Variants in MAST2 observed in about 807,000 individuals in gnomAD.
MAST2 encodes the protein microtubule-associated serine/threonine-protein kinase 2.
Under a neutral mutation model 147.4 loss-of-function variants are expected in MAST2, and 70 were observed. The ratio of observed to expected loss-of-function variants is 0.47; its 90% CI spans 0.39 to 0.58. MAST2 has a LOEUF of 0.58. MAST2 is among the 20% of genes least tolerant of loss of function. The probability of loss-of-function intolerance (pLI) is 0.00; values close to 1 mark genes in which losing one functional copy is unlikely to be tolerated. For synonymous variants in MAST2, 869 were observed against 896.8 expected (o/e 0.97, Z 0.55); for missense variants, 2,080 against 2,302.3 (o/e 0.90, Z 1.98).
At chr1:45,838,369 A>T (rs931352448) in intron 3 of MAST2, among the ~76,000 whole-genome samples, 5 of 150,882 alleles carry the variant, frequency 3.3e-5, no homozygotes, top group Admixed American at 6.6e-5. Flanking sequence ...ACAGGCATGC[A>T]CCACCATGCC....
intron 1 of MAST2, among the ~76,000 whole-genome samples, chr1:45,819,945 A>G (rs1454795513): frequency 6.6e-6 from 1 of 152,322 alleles, no homozygotes; most frequent in Non-Finnish European, 1.5e-5. Flanking sequence ...TTGAAATGAT[A>G]CTAGAAAGCT....
At chr1:45,963,459 T>C (rs1032501089) in intron 5 of MAST2, among the ~76,000 whole-genome samples, 3 of 152,256 alleles carry the variant, frequency 2.0e-5, no homozygotes, top group African/African-American at 7.2e-5. Flanking sequence ...TTTATAGTTT[T>C]CCTTGAAGAG....
rs532663175 is a variant in MAST2, at chr1:46,023,649, T to G, written c.1572-123T>G. On this transcript the variant is annotated intron_variant, in intron 14 of 28. Transcript: ENST00000361297. This position sits in a 1 kb window ranked among gnomAD's most constrained non-coding sequence, Gnocchi z 4.9. ...GGGTCCCAGACCCTTCTCACTGATA[T>G]GCATGCCCTTGCCCCCTTGTTCTGT... The G allele has an allele frequency of 5.9e-6, 5 of 842,688 alleles. No homozygotes were observed. The highest frequency in any genetic ancestry group is 2.4e-5 in the Admixed American group (1 of 42,384). 52.2% of individuals were successfully genotyped at this position (842,688 alleles called of 1,614,324 possible).
intron 1 of MAST2, among the ~76,000 whole-genome samples, chr1:45,821,314 C>A (rs1292501563): frequency 4.6e-5 from 7 of 152,144 alleles, no homozygotes; most frequent in African/African-American, 1.4e-4. Context: ...TCGTCTGATT[C>A]AGGATCTCCT....
chr1:46,007,955 C>T (rs1321182062), intron 8 of MAST2, among the ~76,000 whole-genome samples: 1 of 152,072 alleles, frequency 6.6e-6, no homozygotes, highest in Non-Finnish European at 1.5e-5. Context: ...CACACCCAAC[C>T]CTATTGACCA....
At chr1:45,957,828 T>G (rs1659858868) in intron 4 of MAST2, among the ~76,000 whole-genome samples, 1 of 152,170 alleles carries the variant, frequency 6.6e-6, no homozygotes, top group African/African-American at 2.4e-5. Flanking sequence ...CCAGCATGAT[T>G]CTGGGTTTTT....
intron 5 of MAST2, among the ~76,000 whole-genome samples, chr1:45,963,327 G>A (rs1442159755): frequency 1.3e-5 from 2 of 152,276 alleles, no homozygotes; most frequent in East Asian, 3.9e-4. Context: ...TGATGGGGGT[G>A]GCATTGAATC....
chr1:46,017,959 C>A (rs1646028396), intron 10 of MAST2, among the ~76,000 whole-genome samples: 1 of 152,246 alleles, frequency 6.6e-6, no homozygotes, highest in Non-Finnish European at 1.5e-5. Context: ...CTTCCAGTTT[C>A]CCTTCCCACC....
chr1:45,822,356 C>T (rs1246781088), intron 1 of MAST2, among the ~76,000 whole-genome samples: 3 of 151,360 alleles, frequency 2.0e-5, no homozygotes, highest in Admixed American at 1.3e-4. Context: ...ATTTATATTT[C>T]CTTTCCTTTG....
At chr1:45,821,722 T>C (rs1191507653) in intron 1 of MAST2, among the ~76,000 whole-genome samples, 5 of 151,570 alleles carry the variant, frequency 3.3e-5, no homozygotes, top group Non-Finnish European at 7.4e-5. Flanking sequence ...TTTCACCATG[T>C]TGGCCAGGCT....
intron 7 of MAST2, among the ~76,000 whole-genome samples, chr1:46,005,374 A>C (rs1447994242): frequency 6.6e-6 from 1 of 152,128 alleles, no homozygotes; most frequent in Non-Finnish European, 1.5e-5. Context: ...AAAAAAAAAA[A>C]AAAACCCCAG....
intron 1 of MAST2, among the ~76,000 whole-genome samples, 199 bp downstream of exon 1, chr1:45,804,271 G>T (rs539227945): frequency 1.1e-4 from 16 of 152,206 alleles, no homozygotes; most frequent in African/African-American, 3.9e-4. Context: ...TGGAAATGGG[G>T]GTGTAGAAGA....
chr1:45,904,835 C>T lies in MAST2; in HGVS notation c.500+22440C>T, dbSNP rs1002057488. ...AATGCCACTTTTTTTGAGAGAGAGG[C>T]CTTGCTCTGTTGCCCAGGCTGGAGT... On this transcript the variant is annotated intron_variant, in intron 4 of 28. Transcript: ENST00000361297. Among the ~76,000 whole-genome samples the T allele has an allele frequency of 2.0e-5, 3 of 151,756 alleles. No individual in the cohort carries two copies. In the East Asian group the frequency reaches 5.8e-4, roughly 29 times the overall value.
chr1:45,860,383 CA>C (rs10540608), intron 3 of MAST2, among the ~76,000 whole-genome samples: 2,347 of 139,364 alleles, frequency 0.017, 39 homozygotes, highest in African/African-American at 0.041. Context: ...GAATCTGTCT[CA>C]AAAAAAAAAA....
chr1:45,871,439 C>CAAAACCA (rs1282376876), intron 3 of MAST2, among the ~76,000 whole-genome samples: 2 of 152,158 alleles, frequency 1.3e-5, no homozygotes, highest in African/African-American at 4.8e-5. Flanking sequence ...ATGAAATTCA[C>CAAAACCA]TGTAACCAGA....
intron 3 of MAST2, among the ~76,000 whole-genome samples, chr1:45,871,767 C>G (rs894325826): frequency 6.6e-6 from 1 of 152,158 alleles, no homozygotes; most frequent in African/African-American, 2.4e-5. Context: ...TGAGTAGGCC[C>G]TAGAATGTTC....
chr1:45,849,186 C>T (rs1427071883), intron 3 of MAST2, among the ~76,000 whole-genome samples: 1 of 152,128 alleles, frequency 6.6e-6, no homozygotes, highest in Non-Finnish European at 1.5e-5. Context: ...CAATGCTATT[C>T]CTATCAAACT....
intron 16 of MAST2, among the ~76,000 whole-genome samples, chr1:46,026,118 C>T (rs1033014140): frequency 1.3e-5 from 2 of 152,162 alleles, no homozygotes; most frequent in Non-Finnish European, 2.9e-5. Context: ...AACAAGTGTC[C>T]TGACGTTTAC....
chr1:45,990,865 G>T lies in MAST2; in HGVS notation c.593-6859G>T, dbSNP rs150592427. On this transcript the variant is annotated intron_variant, in intron 5 of 28. Transcript: ENST00000361297. ...TCTCTTAACAGTATCTTTTGCAGAA[G>T]TTCTTAATTTTAATGCAGTCTAGCT... Among the ~76,000 whole-genome samples, 49 of 152,130 alleles carry T rather than the reference G, an allele frequency of 3.2e-4. 1 individual carries two copies. The East Asian group carries it at 6.2e-3, about 19-fold the overall frequency.
Sources: gnomAD v4.1 joint callset for allele counts (sites outside exome capture counted in the v4.1 genomes callset) on GRCh38, gnomAD v4.1.1 for gene constraint, Gnocchi (gnomAD v3.1) non-coding constraint, MANE v1.5 for transcripts, NCBI Gene and HGNC (gene_info 2026-07-23, HGNC 2026-07-21) for gene names.